The following DCPS variants were observed in gnomAD, a reference collection of about 807,000 sequenced individuals.
DCPS encodes the protein decapping enzyme, scavenger.
DCPS carries 27 observed loss-of-function variants against 34.7 expected under a neutral mutation model. The observed-to-expected ratio is 0.78, with a 90% CI of 0.57 to 1.07. DCPS has a LOEUF of 1.07. Ranked by LOEUF, DCPS falls within the 50% of genes least tolerant of loss-of-function variation. The pLI, the probability that DCPS is intolerant of heterozygous loss-of-function variation, is 0.00. For missense variants in DCPS, 464 were observed against 436.9 expected, an observed-to-expected ratio of 1.06 and a Z score of -0.55; for synonymous variants, 185 against 185.7, an observed-to-expected ratio of 1.00 and a Z score of 0.03.
chr11:126,326,930 A>G (rs1482843363), intron 2 of DCPS, among the ~76,000 whole-genome samples: 5 of 152,110 alleles, frequency 3.3e-5, no homozygotes, highest in African/African-American at 1.2e-4. Flanking sequence ...CTCAAAAAAA[A>G]AAAACAAAAA....
At chr11:126,330,955 C>T (rs1030116225) in intron 2 of DCPS, among the ~76,000 whole-genome samples, 4 of 151,606 alleles carry the variant, frequency 2.6e-5, no homozygotes, top group African/African-American at 9.7e-5. Flanking sequence ...AGGCTGGTCT[C>T]GAACTCCTGA....
chr11:126,305,521 A>C (rs1478116624), intron 1 of DCPS, among the ~76,000 whole-genome samples: 2 of 139,862 alleles, frequency 1.4e-5, no homozygotes, highest in Non-Finnish European at 3.0e-5. Flanking sequence ...TCTGGATTCA[A>C]GTGATTCTCC....
intron 4 of DCPS, chr11:126,341,397 C>G (rs955714852): frequency 3.9e-5 from 6 of 152,236 alleles, no homozygotes; most frequent in Non-Finnish European, 8.8e-5. Flanking sequence ...AGCGAGGAGG[C>G]CTTTGGCTGC....
chr11:126,338,167 C>T lies in DCPS; in HGVS notation c.523-119C>T. The T allele has an allele frequency of 2.3e-6, 2 of 863,418 alleles. No individual in the cohort carries two copies. Among genetic ancestry groups the T allele is most frequent in the Non-Finnish European group, 3.8e-6 (2 of 531,876 alleles). The allele number at this position is 863,418 out of a possible 1,614,324, so 53.5% of individuals were successfully genotyped here. On this transcript the variant is annotated intron_variant, in intron 3 of 5. Coordinates refer to ENST00000263579, the MANE Select transcript of DCPS (RefSeq NM_014026.6). This position sits in a 1 kb window ranked among gnomAD's most constrained non-coding sequence, Gnocchi z 5.4. ...GATGTAGATCCTCTGAGCGTGGCGG[C>T]CTTTTATGGCTTGGTTCTGTCTCCT...
Position 126,334,398 on chromosome 11 carries a change from C to A in DCPS, c.522+2848C>A, listed in dbSNP as rs240550. On this transcript the variant is annotated intron_variant, in intron 3 of 5. Transcript: ENST00000263579. The surrounding 1 kb of genome is among the most constrained non-coding windows in gnomAD (Gnocchi z 5.5). ...CACTCTTGTTGCCCAAGCTGGAGTG[C>A]AATGGTGTGATCTCGGCTCACTGCA... Among the ~76,000 whole-genome samples, 37,117 of 152,000 alleles carry A rather than the reference C, an allele frequency of 0.24. 4,552 individuals are homozygous for A. Among genetic ancestry groups the A allele is most frequent in the Admixed American group, 0.26 (4,024 of 15,262 alleles).
chr11:126,333,183 G>A lies in DCPS; in HGVS notation c.522+1633G>A, dbSNP rs984807219. On this transcript the variant is annotated intron_variant, in intron 3 of 5. Transcript: ENST00000263579. This position sits in a 1 kb window ranked among gnomAD's most constrained non-coding sequence, Gnocchi z 5.7. ...TATATACCATTATGCAGTTCCATTCGGAGAAGAGCACAATGAAAACTCCAC... is the reference window on the plus strand; with the variant it reads ...TATATACCATTATGCAGTTCCATTCAGAGAAGAGCACAATGAAAACTCCAC... 2.6e-5 allele frequency among the ~76,000 whole-genome samples: 4 copies of A among 152,210 alleles called. No individual in the cohort carries two copies. In the East Asian group the frequency reaches 7.7e-4, roughly 29 times the overall value.
At chr11:126,304,907 A>G (rs1951550729) in intron 1 of DCPS, among the ~76,000 whole-genome samples, 1 of 152,104 alleles carries the variant, frequency 6.6e-6, no homozygotes, top group South Asian at 2.1e-4. Flanking sequence ...CTGAGGAGAG[A>G]TGGAGACCAT....
At position 126,336,534 on chromosome 11, in the gene DCPS, G is replaced by A. The variant is rs928920316; in HGVS notation, c.523-1752G>A. Reference sequence around the variant, plus strand: ...ACCAGGTCTCCTTGGCTCAGAACCTGTTCACTCTCACTCTTATACTAGTCA... The same window carrying A: ...ACCAGGTCTCCTTGGCTCAGAACCTATTCACTCTCACTCTTATACTAGTCA... On this transcript the variant is annotated intron_variant, in intron 3 of 5. Transcript: ENST00000263579. The surrounding 1 kb of genome is among the most constrained non-coding windows in gnomAD (Gnocchi z 6.3). 1.3e-5 allele frequency: 2 copies of A among 152,214 alleles called. No homozygotes were observed. Among genetic ancestry groups the A allele is most frequent in the African/African-American group, 4.8e-5 (2 of 41,438 alleles). The allele number at this position is 152,214 out of a possible 1,614,324, so 9.4% of individuals were successfully genotyped here.
rs1351924386 is a variant in DCPS at position 126,337,799 on chromosome 11, C to T, written c.523-487C>T. 1 of 159,232 alleles carries T rather than the reference C, an allele frequency of 6.3e-6. No homozygotes were observed. Among genetic ancestry groups the T allele is most frequent in the Non-Finnish European group, 1.4e-5 (1 of 71,850 alleles). 9.9% of individuals were successfully genotyped at this position (159,232 alleles called of 1,614,324 possible). On this transcript the variant is annotated intron_variant, in intron 3 of 5. Coordinates refer to ENST00000263579, the MANE Select transcript of DCPS (RefSeq NM_014026.6). The surrounding 1 kb of genome is among the most constrained non-coding windows in gnomAD (Gnocchi z 5.3). Reference sequence around the variant, plus strand: ...CTGCTAGAGGCAAAGGCTCTCACTGCTCTGGTGGGTAGCTGGCCCCTCCAC... The same window carrying T: ...CTGCTAGAGGCAAAGGCTCTCACTGTTCTGGTGGGTAGCTGGCCCCTCCAC...
At position 126,349,075 on chromosome 11, in the gene DCPS, C is replaced by T. The variant is rs546366948; in HGVS notation, c.*3462C>T. Among the ~76,000 whole-genome samples the T allele has an allele frequency of 3.3e-5, 5 of 152,286 alleles. No individual in the cohort carries two copies. Among genetic ancestry groups the T allele is most frequent in the Non-Finnish European group, 7.3e-5 (5 of 68,030 alleles). ...AGGCTCTGAATGAGGCCTCCTGGAT[C>T]TCACGCAGGGGATGGAGAGTAAGGA... On this transcript the variant is annotated 3_prime_UTR_variant, in exon 6 of 6. Coordinates refer to ENST00000263579, the MANE Select transcript of DCPS (RefSeq NM_014026.6). The surrounding 1 kb of genome is among the most constrained non-coding windows in gnomAD (Gnocchi z 5.4).
In DCPS at chr11:126,334,700, C is replaced by T. The variant is rs1341293354; in HGVS notation, c.522+3150C>T. ...TTTGGAGACAGGTCTCAAAGCCAGG[C>T]AGTCTGGTCCCAGTATCTGTGCCCT... On this transcript the variant is annotated intron_variant, in intron 3 of 5. Coordinates refer to ENST00000263579, the MANE Select transcript of DCPS (RefSeq NM_014026.6). The surrounding 1 kb of genome is among the most constrained non-coding windows in gnomAD (Gnocchi z 5.5). Among the ~76,000 whole-genome samples the T allele has an allele frequency of 6.6e-6, 1 of 152,206 alleles. No homozygotes were observed. The highest frequency in any genetic ancestry group is 1.5e-5 in the Non-Finnish European group (1 of 68,026).
intron 2 of DCPS, among the ~76,000 whole-genome samples, chr11:126,330,434 C>T (rs1951774017): frequency 6.6e-6 from 1 of 152,076 alleles, no homozygotes; most frequent in African/African-American, 2.4e-5. Context: ...AAGAACTTCA[C>T]AGGTAATTGA....
rs769830636 is a variant in DCPS, at chr11:126,332,043, T to G, written c.522+493T>G. On this transcript the variant is annotated intron_variant, in intron 3 of 5. Transcript: ENST00000263579. This position sits in a 1 kb window ranked among gnomAD's most constrained non-coding sequence, Gnocchi z 5.4. ...GGGATGACTGTGCCATTGCTTTGGG[T>G]CCATGAATGGGTAAAAGGCTGATGT... 1.3e-5 allele frequency among the ~76,000 whole-genome samples: 2 copies of G among 152,170 alleles called. No individual in the cohort carries two copies. Among genetic ancestry groups the G allele is most frequent in the Non-Finnish European group, 2.9e-5 (2 of 68,028 alleles).
rs770413057 is a variant in DCPS, at chr11:126,327,682, G to A, written c.377-3723G>A. On this transcript the variant is annotated intron_variant, in intron 2 of 5. Transcript: ENST00000263579. This position sits in a 1 kb window ranked among gnomAD's most constrained non-coding sequence, Gnocchi z 4.1. Reference sequence around the variant, plus strand: ...GCTGCCATCGTAAACCTTAGCATTAGGAAATATATTGATTTGTATCAGAGA... The same window carrying A: ...GCTGCCATCGTAAACCTTAGCATTAAGAAATATATTGATTTGTATCAGAGA... 6.6e-6 allele frequency among the ~76,000 whole-genome samples: 1 copy of A among 152,132 alleles called. No individual in the cohort carries two copies. Among genetic ancestry groups the A allele is most frequent in the Non-Finnish European group, 1.5e-5 (1 of 68,020 alleles).
rs1951731055 is a variant in DCPS at position 126,325,153 on chromosome 11, C to G, written c.377-6252C>G. Among the ~76,000 whole-genome samples the G allele has an allele frequency of 6.6e-6, 1 of 152,090 alleles. No homozygotes were observed. Among genetic ancestry groups the G allele is most frequent in the South Asian group, 2.1e-4 (1 of 4,822 alleles). ...AGTGAGCCAAGATCGTGCCATTGCA[C>G]TCCAGCCTGGGAGACACAGTGAGAC... On this transcript the variant is annotated intron_variant, in intron 2 of 5. Coordinates refer to ENST00000263579, the MANE Select transcript of DCPS (RefSeq NM_014026.6). This position sits in a 1 kb window ranked among gnomAD's most constrained non-coding sequence, Gnocchi z 4.3.
chr11:126,346,344 G>GCAAAA lies in DCPS; in HGVS notation c.*734_*738dup, dbSNP rs1284531530. ...ACATGAAGCAGCCAGAAGATCAAGTGCAAAACAGTGAATCAGCAAGGGCAA... is the reference window on the plus strand; with the variant it reads ...ACATGAAGCAGCCAGAAGATCAAGTGCAAAACAAAACAGTGAATCAGCAAGGGCAA... On this transcript the variant is annotated 3_prime_UTR_variant, in exon 6 of 6. Transcript: ENST00000263579. The surrounding 1 kb of genome is among the most constrained non-coding windows in gnomAD (Gnocchi z 4.1). 9.2e-5 allele frequency among the ~76,000 whole-genome samples: 14 copies of GCAAAA among 152,346 alleles called. No homozygotes were observed. The East Asian group carries it at 2.5e-3, about 27-fold the overall frequency.
Position 126,331,054 on chromosome 11 carries a change from CT to C in DCPS, c.377-348del, listed in dbSNP as rs1425283262. ...CCCGGCCTTTAAGCCATATTTTCAG[CT>C]TTGGGTCCAGAAAGCCACATACCTA... On this transcript the variant is annotated intron_variant, in intron 2 of 5. Transcript: ENST00000263579. The surrounding 1 kb of genome is among the most constrained non-coding windows in gnomAD (Gnocchi z 7.2). Among the ~76,000 whole-genome samples the C allele has an allele frequency of 2.6e-5, 4 of 152,018 alleles. No individual in the cohort carries two copies. Among genetic ancestry groups the C allele is most frequent in the Admixed American group, 2.0e-4 (3 of 15,250 alleles).
rs896987660 is a variant in DCPS, at chr11:126,328,762, C to T, written c.377-2643C>T. ...ACTCTCAGGGAGCTCCACTGCCCAA[C>T]CCAGGCAACGGAGGCAACAGCGGAG... On this transcript the variant is annotated intron_variant, in intron 2 of 5. Coordinates refer to ENST00000263579, the MANE Select transcript of DCPS (RefSeq NM_014026.6). The surrounding 1 kb of genome is among the most constrained non-coding windows in gnomAD (Gnocchi z 6.6). Among the ~76,000 whole-genome samples, 7 of 152,200 alleles carry T rather than the reference C, an allele frequency of 4.6e-5. No individual in the cohort carries two copies. The highest frequency in any genetic ancestry group is 1.7e-4 in the African/African-American group (7 of 41,444).
rs989263521 is a variant in DCPS, at chr11:126,343,321, C to T, written c.651C>T (p.Tyr217=). The change falls in exon 5 of 6, where the codon TAC becomes TAT. Residue 217 remains tyrosine (Y), a synonymous_variant. Transcript: ENST00000263579. ...TCTCTACGCAGCTCGATGACTTGTA[C>T]TTGATCGCCATCTGCCATCGCCGGG... ...KWNQQQLDDL[Y]LIAICHRRGI... 2 of 1,613,620 alleles carry T rather than the reference C, an allele frequency of 1.2e-6. No homozygotes were observed. The highest frequency in any genetic ancestry group is 8.5e-7 in the Non-Finnish European group (1 of 1,179,858).
Sources: allele counts gnomAD v4.1 joint callset (sites outside exome capture counted in the v4.1 genomes callset), GRCh38; gene constraint gnomAD v4.1.1; non-coding constraint Gnocchi (gnomAD v3.1); transcripts MANE v1.5; gene names NCBI Gene and HGNC (gene_info 2026-07-23, HGNC 2026-07-21).